Variants in CACNA1E observed in about 807,000 individuals in gnomAD.
CACNA1E encodes the protein voltage-dependent R-type calcium channel subunit alpha-1E.
CACNA1E carries 40 observed loss-of-function variants against 259.2 expected under a neutral mutation model. The ratio of observed to expected loss-of-function variants is 0.15; its 90% CI spans 0.12 to 0.20. The LOEUF (loss-of-function observed/expected upper bound fraction) is 0.20, where lower values mean the gene tolerates loss of function less well. CACNA1E is among the 10% of genes least tolerant of loss of function. The pLI is 1.00. For synonymous variants in CACNA1E, 1,104 were observed against 1,138.5 expected, an observed-to-expected ratio of 0.97 and a Z score of 0.61; for missense variants, 1,874 against 3,040.1, an observed-to-expected ratio of 0.62 and a Z score of 9.02.
At position 181,723,122 on chromosome 1, in the gene CACNA1E, T is replaced by C. The variant is rs189440232; in HGVS notation, c.2074+1247T>C. On this transcript the variant is annotated intron_variant, in intron 16 of 47. Coordinates refer to ENST00000367573, the MANE Select transcript of CACNA1E (RefSeq NM_001205293.3). Reference sequence around the variant, plus strand: ...CTGTGTCACATTTTGTTAAATGAAATGTGGAACCCTTCAGGACCCTCACAA... The same window carrying C: ...CTGTGTCACATTTTGTTAAATGAAACGTGGAACCCTTCAGGACCCTCACAA... 2.6e-5 allele frequency among the ~76,000 whole-genome samples: 4 copies of C among 152,304 alleles called. No homozygotes were observed. The East Asian group carries it at 7.7e-4, about 29-fold the overall frequency.
At chr1:181,520,711 G>A (rs1666940602) in intron 3 of CACNA1E, among the ~76,000 whole-genome samples, 2 of 152,190 alleles carry the variant, frequency 1.3e-5, no homozygotes, top group Admixed American at 1.3e-4. Flanking sequence ...ATCAAAATTA[G>A]TCAAATCCTG....
At position 181,509,907 on chromosome 1, in the gene CACNA1E, A is replaced by G. The variant is rs573029433; in HGVS notation, c.267-570A>G. The stretch of plus-strand genomic sequence containing the variant: ...ACATTGCTGAGTGGAATTTTAAAAT[A>G]GAAGGAAGCTCACATGGAGAGAATT... On this transcript the variant is annotated intron_variant, in intron 1 of 47. Transcript: ENST00000367573. Among the ~76,000 whole-genome samples the G allele has an allele frequency of 9.8e-5, 15 of 152,346 alleles. No individual in the cohort carries two copies. The South Asian group carries it at 2.9e-3, about 29-fold the overall frequency.
chr1:181,750,338 G>A (rs1437547195), intron 25 of CACNA1E, 138 bp from the exon 26 acceptor site: 3 of 718,214 alleles, frequency 4.2e-6, no homozygotes, highest in Admixed American at 2.3e-5. Context: ...GGCCTGTGCT[G>A]CTCTGATTCC....
At chr1:181,503,008 CT>C (rs1222441094) in intron 1 of CACNA1E, among the ~76,000 whole-genome samples, 1 of 152,158 alleles carries the variant, frequency 6.6e-6, no homozygotes, top group African/African-American at 2.4e-5. Context: ...CAGGCCAGGC[CT>C]GTTTGAACAG....
chr1:181,661,857 G>A (rs1387430885), intron 7 of CACNA1E, among the ~76,000 whole-genome samples: 2 of 152,110 alleles, frequency 1.3e-5, no homozygotes, highest in African/African-American at 4.8e-5. Flanking sequence ...TTCAGAATTT[G>A]GACTGAGATC....
At chr1:181,750,410 C>G in intron 25 of CACNA1E, 66 bp from the exon 26 acceptor site, 1 of 1,459,260 alleles carries the variant, frequency 6.9e-7, no homozygotes, top group East Asian at 2.3e-5. Flanking sequence ...TCTCTCTACC[C>G]CAACCCCATT....
At position 181,728,355 on chromosome 1, in the gene CACNA1E, G is replaced by A. The variant is rs565766459; in HGVS notation, c.2240+2193G>A. 2.6e-5 allele frequency among the ~76,000 whole-genome samples: 4 copies of A among 152,332 alleles called. No individual in the cohort carries two copies. The East Asian group carries it at 7.7e-4, about 29-fold the overall frequency. ...ATGAAATGTGGGTAGGCACAGGCAG[G>A]GCCGTGGGAATTGAGCAGAGTGTGC... On this transcript the variant is annotated intron_variant, in intron 18 of 47. Coordinates refer to ENST00000367573, the MANE Select transcript of CACNA1E (RefSeq NM_001205293.3).
At chr1:181,599,087 T>G (rs1653483837) in intron 6 of CACNA1E, among the ~76,000 whole-genome samples, 1 of 152,120 alleles carries the variant, frequency 6.6e-6, no homozygotes, top group African/African-American at 2.4e-5. Flanking sequence ...CCACTAGCTA[T>G]TCTTCCTGAG....
At chr1:181,727,241 G>A (rs1002160683) in intron 18 of CACNA1E, among the ~76,000 whole-genome samples, 4 of 152,176 alleles carry the variant, frequency 2.6e-5, no homozygotes, top group Admixed American at 6.5e-5. Flanking sequence ...GGCTGACAGC[G>A]CTCCTCCTGC....
rs140089482 is a variant in CACNA1E at position 181,325,100 on chromosome 1, C to A, written c.-15+6977C>A. On this transcript the variant is annotated intron_variant, in intron 1 of 11. Transcript: ENST00000524607. Reference sequence around the variant, plus strand: ...TGCTGACTGAGACTTTGCAGACCTGCTCCCCTTCTCCCTGCTACCTGCCTG... The same window carrying A: ...TGCTGACTGAGACTTTGCAGACCTGATCCCCTTCTCCCTGCTACCTGCCTG... Among the ~76,000 whole-genome samples, 305 of 152,296 alleles carry A rather than the reference C, an allele frequency of 2.0e-3. 1 individual carries two copies. Among genetic ancestry groups the A allele is most frequent in the Non-Finnish European group, 3.4e-3 (230 of 68,026 alleles).
chr1:181,552,355 G>A (rs576846537), intron 3 of CACNA1E, among the ~76,000 whole-genome samples: 43 of 152,280 alleles, frequency 2.8e-4, no homozygotes, highest in Admixed American at 1.0e-3. Flanking sequence ...TGAGAAACAC[G>A]TTGAAATGGA....
At chr1:181,589,803 G>A (rs1652450803) in intron 6 of CACNA1E, among the ~76,000 whole-genome samples, 1 of 152,232 alleles carries the variant, frequency 6.6e-6, no homozygotes, top group African/African-American at 2.4e-5. Flanking sequence ...GGGAGCCCAT[G>A]ATACTGGATT....
rs757890592 is a variant in CACNA1E at position 181,732,856 on chromosome 1, C to T, written c.2770C>T (p.Arg924Cys). 2.5e-5 allele frequency: 40 copies of T among 1,613,722 alleles called. No homozygotes were observed. Among genetic ancestry groups the T allele is most frequent in the Admixed American group, 6.7e-5 (4 of 59,998 alleles). Residue 924 changes from arginine to cysteine, a missense_variant, in exon 20 of 48, where the codon CGC becomes TGC. This residue lies in a region of CACNA1E where 476 missense variants were observed against 514.0 expected (regional missense o/e 0.93). Transcript: ENST00000367573. The surrounding 1 kb of genome is among the most constrained non-coding windows in gnomAD (Gnocchi z 5.5). ...HRQSQRRSRH[R>C]RVRTEGKESS... The stretch of plus-strand genomic sequence containing the variant: ...GCAGAGCCAACGGCGCAGCCGGCAT[C>T]GCCGCGTCAGGACAGAAGGCAAGGA...
At chr1:181,333,989 A>T (rs1387140860) in intron 1 of CACNA1E, among the ~76,000 whole-genome samples, 2 of 152,216 alleles carry the variant, frequency 1.3e-5, no homozygotes, top group Non-Finnish European at 2.9e-5. Flanking sequence ...GAATACATTT[A>T]TAAAGAGAAA....
intron 20 of CACNA1E, 111 bp downstream of exon 20, chr1:181,733,145 G>A: frequency 7.2e-7 from 1 of 1,381,226 alleles, no homozygotes; most frequent in Non-Finnish European, 9.5e-7. Context: ...AAATGGAAAT[G>A]ATGCTGACAC....
chr1:181,670,396 A>G (rs1362495604), intron 7 of CACNA1E, among the ~76,000 whole-genome samples: 1 of 152,226 alleles, frequency 6.6e-6, no homozygotes, highest in Non-Finnish European at 1.5e-5. Context: ...GTATCACTAC[A>G]TTCTCAACAC....
intron 1 of CACNA1E, among the ~76,000 whole-genome samples, chr1:181,408,303 G>T (rs936349402): frequency 6.6e-6 from 1 of 152,172 alleles, no homozygotes; most frequent in African/African-American, 2.4e-5. Flanking sequence ...AAAGGAAGAT[G>T]AATGTCCTCA....
intron 1 of CACNA1E, among the ~76,000 whole-genome samples, chr1:181,499,970 T>C (rs908056557): frequency 6.6e-6 from 1 of 152,154 alleles, no homozygotes; most frequent in African/African-American, 2.4e-5. Context: ...CCTGAGAGAA[T>C]GGGGTGATTA....
chr1:181,603,765 A>C (rs1653963386), intron 6 of CACNA1E, among the ~76,000 whole-genome samples: 1 of 152,104 alleles, frequency 6.6e-6, no homozygotes, highest in Non-Finnish European at 1.5e-5. Context: ...ATAGCCTAGG[A>C]CTAATCTATA....
Sources: gnomAD v4.1 joint callset for allele counts (sites outside exome capture counted in the v4.1 genomes callset) on GRCh38, gnomAD v4.1.1 for gene constraint, gnomAD v4.1.1 regional missense constraint, Gnocchi (gnomAD v3.1) non-coding constraint, MANE v1.5 for transcripts, NCBI Gene and HGNC (gene_info 2026-07-23, HGNC 2026-07-21) for gene names.